ZC3H12B: variants seen among roughly 807,000 people sequenced by gnomAD.
ZC3H12B encodes zinc finger CCCH-type containing 12B.
A neutral mutation model predicts 43.9 loss-of-function variants in ZC3H12B; 7 were observed. The observed-to-expected ratio is 0.16, with a 90% CI of 0.09 to 0.30. ZC3H12B has a LOEUF of 0.30. ZC3H12B is among the 10% of genes least tolerant of loss of function. ZC3H12B has a pLI of 1.00. For synonymous variants in ZC3H12B, 222 were observed against 241.7 expected (o/e 0.92, Z 0.76); for missense variants, 475 against 670.2 (o/e 0.71, Z 3.22).
the ZC3H12B span, among the ~76,000 whole-genome samples, chrX:65,093,202 C>G: frequency 9.0e-6 from 1 of 111,354 alleles, no homozygotes; most frequent in Non-Finnish European, 1.9e-5. Context: ...AAGCCCCCAC[C>G]TAGATTTCAG....
the ZC3H12B span, among the ~76,000 whole-genome samples, chrX:65,174,178 AC>A: frequency 2.7e-5 from 3 of 111,217 alleles, no homozygotes; most frequent in Non-Finnish European, 5.7e-5. Context: ...GTGTCTGTTG[AC>A]CCCTGCTGGG....
the ZC3H12B span, among the ~76,000 whole-genome samples, chrX:65,135,659 C>T: frequency 9.4e-6 from 1 of 106,751 alleles, no homozygotes; most frequent in Admixed American, 1.0e-4. Flanking sequence ...CCTTTTTCTT[C>T]TCTCCTTTTG....
At chrX:65,168,135 C>T in the ZC3H12B span, among the ~76,000 whole-genome samples, 1 of 111,583 alleles carries the variant, frequency 9.0e-6, no homozygotes, top group African/African-American at 3.3e-5. Context: ...GGAATGCTTC[C>T]AGTTTTTGCC....
At chrX:65,119,923 T>C in the ZC3H12B span, among the ~76,000 whole-genome samples, 2 of 112,066 alleles carry the variant, frequency 1.8e-5, no homozygotes, top group Non-Finnish European at 3.8e-5. Flanking sequence ...CCATTTCTGG[T>C]TTTTGTCAGG....
intron 3 of ZC3H12B, among the ~76,000 whole-genome samples, chrX:65,472,984 ATATATATATATATG>A (rs1468145669): frequency 1.3e-5 from 1 of 78,281 alleles, no homozygotes; most frequent in Non-Finnish European, 2.1e-5. Flanking sequence ...GTGTATATAT[ATATATATATATATG>A]TATATATATA....
the ZC3H12B span, among the ~76,000 whole-genome samples, chrX:65,222,894 C>A: frequency 3.6e-5 from 4 of 110,123 alleles, no homozygotes; most frequent in Non-Finnish European, 7.6e-5. Context: ...ATCCTAAAAT[C>A]CATATGGAAC....
intron 2 of ZC3H12B, among the ~76,000 whole-genome samples, chrX:65,388,384 A>G (rs1160327560): frequency 1.8e-5 from 2 of 111,370 alleles, no homozygotes; most frequent in East Asian, 2.8e-4. Context: ...GCTTCATTTC[A>G]TTCATTTGAT....
chrX:65,148,784 A>T, the ZC3H12B span, among the ~76,000 whole-genome samples: 4 of 111,544 alleles, frequency 3.6e-5, no homozygotes, highest in Non-Finnish European at 7.5e-5. Flanking sequence ...CTAATGTCTC[A>T]TCTGGTGTCT....
At chrX:65,392,472 T>G (rs1329125488) in intron 2 of ZC3H12B, among the ~76,000 whole-genome samples, 3 of 30,577 alleles carry the variant, frequency 9.8e-5, no homozygotes, top group African/African-American at 3.9e-4. Flanking sequence ...GTCTGGGAAG[T>G]GAGGAGTGTC....
the ZC3H12B span, among the ~76,000 whole-genome samples, chrX:65,253,310 G>GA: frequency 1.8e-5 from 2 of 112,264 alleles, no homozygotes; most frequent in Non-Finnish European, 3.8e-5. Context: ...AACTCCTGGG[G>GA]AAAAAGGAAG....
the ZC3H12B span, among the ~76,000 whole-genome samples, chrX:65,049,514 T>C: frequency 9.0e-6 from 1 of 111,445 alleles, no homozygotes; most frequent in Non-Finnish European, 1.9e-5. Flanking sequence ...CTCACTATTC[T>C]TTTCGAAATT....
At chrX:65,311,909 C>T in the ZC3H12B span, among the ~76,000 whole-genome samples, 1 of 111,159 alleles carries the variant, frequency 9.0e-6, no homozygotes, top group Admixed American at 9.6e-5. Flanking sequence ...AAACCAAACA[C>T]CACATGTTCT....
At chrX:65,193,685 T>G in the ZC3H12B span, among the ~76,000 whole-genome samples, 1 of 112,026 alleles carries the variant, frequency 8.9e-6, no homozygotes, top group Admixed American at 9.5e-5. Context: ...TTTCAATTGT[T>G]CTTGCTTTTC....
chrX:65,347,543 C>G, the ZC3H12B span, among the ~76,000 whole-genome samples: 4 of 112,095 alleles, frequency 3.6e-5, no homozygotes, highest in African/African-American at 3.2e-5. Context: ...GAGATACCAT[C>G]TCACACCAGT....
the ZC3H12B span, among the ~76,000 whole-genome samples, chrX:65,273,619 A>T: frequency 1.8e-5 from 2 of 111,889 alleles, no homozygotes; most frequent in Non-Finnish European, 3.8e-5. Flanking sequence ...CCGATATGAG[A>T]TGAACCCAAA....
chrX:65,162,099 C>T, the ZC3H12B span, among the ~76,000 whole-genome samples: 1 of 111,766 alleles, frequency 8.9e-6, no homozygotes, highest in African/African-American at 3.3e-5. Flanking sequence ...TTGGCCCCCA[C>T]TCTCTTCTGG....
At chrX:65,224,447 G>A in the ZC3H12B span, among the ~76,000 whole-genome samples, 4 of 112,505 alleles carry the variant, frequency 3.6e-5, no homozygotes, top group African/African-American at 9.7e-5. Flanking sequence ...CATGAGCAAC[G>A]CAGAAGATGT....
chrX:65,308,413 G>A, the ZC3H12B span, among the ~76,000 whole-genome samples: 1 of 111,059 alleles, frequency 9.0e-6, no homozygotes, highest in Non-Finnish European at 1.9e-5. Context: ...AATGGTAAAG[G>A]GATCAATTAA....
intron 2 of ZC3H12B, among the ~76,000 whole-genome samples, chrX:65,380,163 A>T (rs2148005863): frequency 8.9e-6 from 1 of 111,855 alleles, no homozygotes; most frequent in South Asian, 3.8e-4. Context: ...TGTCAGATTC[A>T]CCAAAGTTGA....
Sources: allele counts gnomAD v4.1 joint callset (sites outside exome capture counted in the v4.1 genomes callset), GRCh38; gene constraint gnomAD v4.1.1; transcripts MANE v1.5; gene names NCBI Gene and HGNC (gene_info 2026-07-23, HGNC 2026-07-21).